The following AKAP19 variants were observed in gnomAD, a reference collection of about 807,000 sequenced individuals.
AKAP19 encodes A-kinase anchoring protein 19.
At chr2:189,989,975 CTA>C in the AKAP19 span, among the ~76,000 whole-genome samples, 1 of 152,162 alleles carries the variant, frequency 6.6e-6, no homozygotes, top group Non-Finnish European at 1.5e-5. Flanking sequence ...TATTAAAATC[CTA>C]GCAGGCTTTT....
the AKAP19 span, among the ~76,000 whole-genome samples, chr2:190,114,565 C>T: frequency 6.6e-6 from 1 of 152,212 alleles, no homozygotes; most frequent in African/African-American, 2.4e-5. Context: ...ACGCCATTCT[C>T]CTGCCTCAGC....
chr2:190,105,933 T>C, the AKAP19 span, among the ~76,000 whole-genome samples: 1 of 152,188 alleles, frequency 6.6e-6, no homozygotes, highest in Admixed American at 6.5e-5. Flanking sequence ...TCCTAGCACA[T>C]TGTAAGTGCT....
chr2:190,121,502 C>T, the AKAP19 span, among the ~76,000 whole-genome samples: 1 of 152,158 alleles, frequency 6.6e-6, no homozygotes, highest in Non-Finnish European at 1.5e-5. Context: ...CTGGAAACAC[C>T]ACATTTATGG....
At chr2:190,058,933 A>C in the AKAP19 span, among the ~76,000 whole-genome samples, 2,379 of 151,958 alleles carry the variant, frequency 0.016, 54 homozygotes, top group African/African-American at 0.054. Flanking sequence ...ACCACTGTAC[A>C]ATTCATCTAT....
the AKAP19 span, among the ~76,000 whole-genome samples, chr2:190,195,464 T>G: frequency 6.6e-6 from 1 of 152,212 alleles, no homozygotes; most frequent in African/African-American, 2.4e-5. Flanking sequence ...TTCTGTTGCT[T>G]TTGCCATTAT....
chr2:189,908,668 G>C, the AKAP19 span, among the ~76,000 whole-genome samples: 1 of 152,302 alleles, frequency 6.6e-6, no homozygotes, highest in African/African-American at 2.4e-5. Flanking sequence ...ATTTAAAAAT[G>C]TTTGTCCAGT....
chr2:190,104,961 G>A, the AKAP19 span, among the ~76,000 whole-genome samples: 1 of 152,118 alleles, frequency 6.6e-6, no homozygotes, highest in Admixed American at 6.5e-5. Context: ...CAATCAGAAT[G>A]GCTATTATTA....
the AKAP19 span, among the ~76,000 whole-genome samples, chr2:189,947,571 C>T: frequency 2.0e-5 from 3 of 152,156 alleles, no homozygotes; most frequent in South Asian, 6.2e-4. Flanking sequence ...GCTGCATAAT[C>T]TCTAAGCTTA....
At chr2:189,918,910 C>T in the AKAP19 span, among the ~76,000 whole-genome samples, 1 of 152,156 alleles carries the variant, frequency 6.6e-6, no homozygotes, top group Non-Finnish European at 1.5e-5. Context: ...ATAAATATCA[C>T]AACTGGTATG....
At chr2:189,937,707 G>A in the AKAP19 span, among the ~76,000 whole-genome samples, 4 of 152,142 alleles carry the variant, frequency 2.6e-5, no homozygotes, top group African/African-American at 7.2e-5. Flanking sequence ...AAAACAACGA[G>A]ATATCATCTC....
chr2:190,084,713 A>G, the AKAP19 span, among the ~76,000 whole-genome samples: 22 of 152,332 alleles, frequency 1.4e-4, no homozygotes, highest in African/African-American at 4.1e-4. Flanking sequence ...TGAAAAACAT[A>G]CAGGAAGGGA....
chr2:190,127,675 T>C, the AKAP19 span, among the ~76,000 whole-genome samples: 1 of 152,168 alleles, frequency 6.6e-6, no homozygotes, highest in Non-Finnish European at 1.5e-5. Context: ...GAAGGCAATG[T>C]TTACTACCAT....
At chr2:190,156,125 A>T in the AKAP19 span, among the ~76,000 whole-genome samples, 1 of 152,014 alleles carries the variant, frequency 6.6e-6, no homozygotes, top group East Asian at 1.9e-4. Context: ...TTAAAAAAAG[A>T]TAAGTCAGAA....
chr2:190,192,656 G>C, the AKAP19 span, among the ~76,000 whole-genome samples: 1 of 152,020 alleles, frequency 6.6e-6, no homozygotes, highest in African/African-American at 2.4e-5. Flanking sequence ...AACAGCATTT[G>C]TCTGTTTGTT....
At chr2:190,175,009 G>T in the AKAP19 span, among the ~76,000 whole-genome samples, 7 of 150,878 alleles carry the variant, frequency 4.6e-5, no homozygotes, top group African/African-American at 1.5e-4. Flanking sequence ...ATTACATGGA[G>T]TACATAGTTC....
At chr2:190,057,623 C>A in the AKAP19 span, 6 of 1,613,170 alleles carry the variant, frequency 3.7e-6, no homozygotes, top group Non-Finnish European at 5.1e-6. Context: ...GTTACCTTGA[C>A]CTCTAAAAAC....
the AKAP19 span, among the ~76,000 whole-genome samples, chr2:190,027,448 G>A: frequency 6.6e-6 from 1 of 152,148 alleles, no homozygotes; most frequent in African/African-American, 2.4e-5. Context: ...TTAAGTGGGA[G>A]GAATTATTAG....
chr2:190,161,489 G>A, the AKAP19 span, among the ~76,000 whole-genome samples: 2 of 152,118 alleles, frequency 1.3e-5, no homozygotes, highest in Non-Finnish European at 2.9e-5. Context: ...TAGACTCTAG[G>A]TATAACCATT....
the AKAP19 span, chr2:189,879,602 C>G: frequency 2.0e-5 from 3 of 152,336 alleles, no homozygotes; most frequent in Non-Finnish European, 4.4e-5. Context: ...GTCCTTACAA[C>G]AGCCCCAGCA....
Sources: gnomAD v4.1 joint callset for allele counts (sites outside exome capture counted in the v4.1 genomes callset) on GRCh38, gnomAD v4.1.1 for gene constraint, MANE v1.5 for transcripts, NCBI Gene and HGNC (gene_info 2026-07-23, HGNC 2026-07-21) for gene names.